The following SULT1A1 variants were observed in gnomAD, a reference collection of about 807,000 sequenced individuals.
SULT1A1 encodes sulfotransferase 1A1.
In SULT1A1, 35 loss-of-function variants were observed where a neutral mutation model predicts 36.8. The ratio of observed to expected loss-of-function variants is 0.95; its 90% CI spans 0.73 to 1.26. The LOEUF (loss-of-function observed/expected upper bound fraction) is 1.26, where lower values mean the gene tolerates loss of function less well. SULT1A1 is among the 50% of genes most tolerant of loss of function. The probability of loss-of-function intolerance (pLI) is 0.00; values close to 1 mark genes in which losing one functional copy is unlikely to be tolerated. For synonymous variants in SULT1A1, 119 were observed against 146.0 expected, an observed-to-expected ratio of 0.82 and a Z score of 1.33; for missense variants, 309 against 383.0, an observed-to-expected ratio of 0.81 and a Z score of 1.61.
chr16:28,609,578 C>G, intron 1 of SULT1A1: 1 of 426,808 alleles, frequency 2.3e-6, no homozygotes, highest in African/African-American at 2.0e-5. Context: ...AAGACCCCAT[C>G]TCTAAAAATC....
At position 28,605,761 on chromosome 16, in the gene SULT1A1, T is replaced by G. The variant is rs556099259; in HGVS notation, c.*60A>C. 7.5e-4 allele frequency: 1,210 copies of G among 1,608,484 alleles called. 39 individuals are homozygous for G. In the South Asian group the frequency reaches 0.01, roughly 14 times the overall value. On this transcript the variant is annotated 3_prime_UTR_variant, in exon 8 of 8. Coordinates refer to ENST00000314752, the MANE Select transcript of SULT1A1 (RefSeq NM_001055.4). ...GGGCCCTCAATTCATATTTTATTCT[T>G]GAGCCGCTTGGTCAGGTTTGATTCG...
At chr16:28,609,651 C>T (rs899269892) in intron 1 of SULT1A1, 1 of 386,140 alleles carries the variant, frequency 2.6e-6, no homozygotes. Context: ...CTAGCTACTC[C>T]AGAGGCTGAG....
upstream of SULT1A1, chr16:28,610,277 T>TTTTTTTTTTTTTTTTTTTTTTTC: frequency 8.9e-7 from 1 of 1,129,498 alleles, no homozygotes; most frequent in Non-Finnish European, 1.1e-6. Context: ...TTTTTTTTTT[T>TTTTTTTTTTTTTTTTTTTTTTTC]TTTTTTTTTT....
intron 2 of SULT1A1, among the ~76,000 whole-genome samples, chr16:28,615,654 G>A (rs981603536): frequency 2.0e-5 from 3 of 152,264 alleles, no homozygotes; most frequent in Middle Eastern, 3.4e-3. Flanking sequence ...GTTGGGCCCG[G>A]GTGACCACTA....
At chr16:28,609,135 G>T in intron 1 of SULT1A1, 1 of 1,408,782 alleles carries the variant, frequency 7.1e-7, no homozygotes, top group Non-Finnish European at 9.3e-7. Flanking sequence ...ACCCTCGTCG[G>T]GCAAGGCCCA....
chr16:28,608,615 G>A lies in SULT1A1; in HGVS notation c.149-12C>T. 6.2e-7 allele frequency: 1 copy of A among 1,611,770 alleles called. No homozygotes were observed. The highest frequency in any genetic ancestry group is 8.5e-7 in the Non-Finnish European group (1 of 1,178,136). ...TACCCAGGTAGTGCCTGGAGAGGGA[G>A]GGAGATGGGAGGTGAGCAGGCTGAG... On this transcript the variant is annotated splice_polypyrimidine_tract_variant and intron_variant, in intron 2 of 7. Coordinates refer to ENST00000314752, the MANE Select transcript of SULT1A1 (RefSeq NM_001055.4).
intron 2 of SULT1A1, among the ~76,000 whole-genome samples, chr16:28,619,441 C>T (rs1446090670): frequency 6.6e-6 from 1 of 152,128 alleles, no homozygotes; most frequent in Non-Finnish European, 1.5e-5. Context: ...CAAACTGGAG[C>T]TCTAATTTAG....
chr16:28,617,586 G>C (rs1468451260), intron 2 of SULT1A1, among the ~76,000 whole-genome samples: 1 of 151,498 alleles, frequency 6.6e-6, no homozygotes, highest in Admixed American at 6.6e-5. Flanking sequence ...TCTGTTGCCA[G>C]GCTGGAGTGC....
upstream of SULT1A1, chr16:28,610,525 C>T (rs1360333393): frequency 3.3e-6 from 1 of 303,102 alleles, no homozygotes; most frequent in Non-Finnish European, 6.5e-6. Flanking sequence ...ACTCCAGGCT[C>T]TGACCACAAG....
At chr16:28,606,546 C>CCCATGCAGCTG (rs2047196077) in intron 6 of SULT1A1, among the ~76,000 whole-genome samples, 1 of 151,896 alleles carries the variant, frequency 6.6e-6, no homozygotes, top group Non-Finnish European at 1.5e-5. Flanking sequence ...TCCGTGGCCC[C>CCCATGCAGCTG]CCATGCAGCT....
chr16:28,609,941 G>A lies in SULT1A1; in HGVS notation c.-15C>T, dbSNP rs750800813. On this transcript the variant is annotated 5_prime_UTR_variant, in exon 1 of 8. Transcript: ENST00000314752. The stretch of plus-strand genomic sequence containing the variant: ...CACTGTGTCACTCACCTGAGCTCTT[G>A]GGAACCTGGCCTCGTGCCCTCCTCG... The A allele has an allele frequency of 1.6e-6, 2 of 1,287,568 alleles. No individual in the cohort carries two copies. The highest frequency in any genetic ancestry group is 1.5e-5 in the African/African-American group (1 of 65,960). The allele number at this position is 1,287,568 out of a possible 1,614,324, so 79.8% of individuals were successfully genotyped here.
At position 28,606,226 on chromosome 16, in the gene SULT1A1, C is replaced by A. The variant is rs1386951505; in HGVS notation, c.605G>T (p.Arg202Met). 4 of 1,610,044 alleles carry A rather than the reference C, an allele frequency of 2.5e-6. No individual in the cohort carries two copies. The highest frequency in any genetic ancestry group is 3.4e-6 in the Non-Finnish European group (4 of 1,177,210). The change falls in exon 7 of 8, where the codon AGG becomes ATG. Residue 202 changes from arginine to methionine, a missense_variant. Transcript: ENST00000314752. Reference protein sequence around the residue: ...FYEDMKENPKREIQKILEFVG... With the variant: ...FYEDMKENPKMEIQKILEFVG... Reference sequence around the variant, plus strand: ...AAACTCCAGGATCTTTTGAATCTCCCTTTTCGGGTTCTGAGCAGCAGAGGG... The same window carrying A: ...AAACTCCAGGATCTTTTGAATCTCCATTTTCGGGTTCTGAGCAGCAGAGGG...
intron 1 of SULT1A1, chr16:28,609,721 T>G: frequency 3.7e-6 from 2 of 537,600 alleles, no homozygotes; most frequent in Non-Finnish European, 5.8e-6. Context: ...CCCACAGCAC[T>G]CCAGCCTGGG....
chr16:28,610,029 T>A lies in SULT1A1; in HGVS notation c.-103A>T. ...CAGGGTTGTTCTCTGAGCTGAGGGT[T>A]TCCTAGGTCCACTGTGGGAGGGATC... is the stretch of plus-strand genomic sequence containing the variant. On this transcript the variant is annotated 5_prime_UTR_variant, in exon 1 of 8. Coordinates refer to ENST00000314752, the MANE Select transcript of SULT1A1 (RefSeq NM_001055.4). 7.8e-7 allele frequency: 1 copy of A among 1,286,864 alleles called. No individual in the cohort carries two copies. The highest frequency in any genetic ancestry group is 1.2e-5 in the South Asian group (1 of 80,874). The allele number at this position is 1,286,864 out of a possible 1,614,324, so 79.7% of individuals were successfully genotyped here. A position where few individuals can be genotyped will look rare whatever the true frequency, so the allele number is the denominator to read the frequency against.
chr16:28,606,538 C>T (rs1161665746), intron 6 of SULT1A1, among the ~76,000 whole-genome samples: 1 of 151,868 alleles, frequency 6.6e-6, no homozygotes, highest in Non-Finnish European at 1.5e-5. Context: ...GTTTCTGATC[C>T]GTGGCCCCCC....
chr16:28,608,364 G>T lies in SULT1A1; in HGVS notation c.299C>A (p.Pro100Gln), dbSNP rs142537541. ...GTGTGTCTTCAGGAGTCGTGGGGCC[G>T]GTGTGTCTTTCAGAGTCTCCATCCC... Reference protein sequence around the residue: ...PSGMETLKDTPAPRLLKTHLP... With the variant: ...PSGMETLKDTQAPRLLKTHLP... The change falls in exon 4 of 8, where the codon CCG becomes CAG. Residue 100 changes from proline to glutamine, a missense_variant. By Grantham distance (76) the Pro-to-Gln change is moderately conservative (BLOSUM62 -1). Coordinates refer to ENST00000314752, the MANE Select transcript of SULT1A1 (RefSeq NM_001055.4). 1 of 1,612,388 alleles carries T rather than the reference G, an allele frequency of 6.2e-7. No homozygotes were observed. The highest frequency in any genetic ancestry group is 8.5e-7 in the Non-Finnish European group (1 of 1,178,704).
chr16:28,623,348 C>T, exon 1 of SULT1A1: 1 of 1,497,290 alleles, frequency 6.7e-7, no homozygotes, highest in South Asian at 1.3e-5. Context: ...GCAGCACGTC[C>T]CCGGCGGAGA....
At chr16:28,619,745 T>C (rs1283433820) in intron 2 of SULT1A1, among the ~76,000 whole-genome samples, 1 of 14,264 alleles carries the variant, frequency 7.0e-5, no homozygotes, top group Non-Finnish European at 2.6e-4. Flanking sequence ...AAAAAATATA[T>C]ATATACATAT....
chr16:28,615,766 C>G (rs1035819330), intron 2 of SULT1A1, among the ~76,000 whole-genome samples: 8 of 152,220 alleles, frequency 5.3e-5, no homozygotes, highest in African/African-American at 1.9e-4. Flanking sequence ...TGAGTCACCT[C>G]CAATGATAGG....
Sources: allele counts gnomAD v4.1 joint callset (sites outside exome capture counted in the v4.1 genomes callset), GRCh38; gene constraint gnomAD v4.1.1; transcripts MANE v1.5; gene names NCBI Gene and HGNC (gene_info 2026-07-23, HGNC 2026-07-21).